The following TMA7 variants were observed in gnomAD, a reference collection of about 807,000 sequenced individuals.
TMA7 encodes the protein translation machinery associated 7 homolog.
TMA7 carries 5 observed loss-of-function variants against 12.5 expected under a neutral mutation model. The ratio of observed to expected loss-of-function variants is 0.40; its 90% CI spans 0.21 to 0.84. The LOEUF (loss-of-function observed/expected upper bound fraction) is 0.84. TMA7 is among the 40% of genes least tolerant of loss of function. The probability of loss-of-function intolerance (pLI) is 0.36; values close to 1 mark genes in which losing one functional copy is unlikely to be tolerated. For missense variants in TMA7, 71 were observed against 75.4 expected, an observed-to-expected ratio of 0.94 and a Z score of 0.22; for synonymous variants, 36 against 28.1, an observed-to-expected ratio of 1.28 and a Z score of -0.89.
intron 3 of TMA7, among the ~76,000 whole-genome samples, chr3:48,442,491 G>A (rs1443892683): frequency 4.4e-5 from 6 of 135,238 alleles, no homozygotes; most frequent in East Asian, 2.1e-4. Context: ...TCACTCTGTC[G>A]CCCAGGCTGG....
rs1288705407 is a variant in TMA7, at chr3:48,440,586, C to T, written c.118C>T (p.Leu40Phe). Residue 40 changes from leucine (L) to phenylalanine (F), a missense_variant, in exon 3 of 4, where the codon CTC (leucine) becomes TTC (phenylalanine). Coordinates refer to ENST00000438607, the MANE Select transcript of TMA7 (RefSeq NM_015933.6). ...GAAACAAAAAGAGGAGCAGAAGAAA[C>T]TCGAGGAGCTAAAAGCGAAGGCCGC... is the stretch of plus-strand genomic sequence containing the variant. ...KQKQKEEQKKLEELKAKAAGK... is the reference protein window; with the variant it reads ...KQKQKEEQKKFEELKAKAAGK... 3 of 1,611,744 alleles carry T rather than the reference C, an allele frequency of 1.9e-6. No homozygotes were observed. Among genetic ancestry groups the T allele is most frequent in the Admixed American group, 1.7e-5 (1 of 59,948 alleles).
chr3:48,440,945 A>G, intron 3 of TMA7: 2 of 451,760 alleles, frequency 4.4e-6, no homozygotes, highest in South Asian at 5.3e-5. Context: ...GTCGTCCGCA[A>G]TCTTTTGCCC....
At chr3:48,440,517 T>G in intron 2 of TMA7, 24 bp from the exon 3 acceptor site, 2 of 1,607,828 alleles carry the variant, frequency 1.2e-6, no homozygotes, top group South Asian at 2.2e-5. Flanking sequence ...AGGCCTGAGT[T>G]GAACACGCTC....
intron 3 of TMA7, 29 bp from the exon 4 acceptor site, chr3:48,443,819 C>T: frequency 4.5e-6 from 7 of 1,545,776 alleles, no homozygotes; most frequent in Non-Finnish European, 6.1e-6. Flanking sequence ...CTATATTTTT[C>T]CCTAATTGTG....
At position 48,440,285 on chromosome 3, in the gene TMA7, GCGGCAGGCGCCATGTCCGGC is replaced by G; in HGVS notation, c.-9_11del. The G allele has an allele frequency of 8.7e-6, 14 of 1,601,752 alleles. No individual in the cohort carries two copies. Among genetic ancestry groups the G allele is most frequent in the Non-Finnish European group, 1.2e-5 (14 of 1,173,996 alleles). On this transcript the variant is annotated start_lost and 5_prime_UTR_variant, in exon 1 of 4. Coordinates refer to ENST00000438607, the MANE Select transcript of TMA7 (RefSeq NM_015933.6). ...TCCGGTGGCAGGGTCTGGGGAAGCGGCGGCAGGCGCCATGTCCGGCCGCGAAGGTAAGTGTTCCGGAACCG... is the reference window on the plus strand; with the variant it reads ...TCCGGTGGCAGGGTCTGGGGAAGCGGCGCGAAGGTAAGTGTTCCGGAACCG...
At chr3:48,443,790 G>A in intron 3 of TMA7, 58 bp from the exon 4 acceptor site, 1 of 1,446,800 alleles carries the variant, frequency 6.9e-7, no homozygotes, top group Non-Finnish European at 9.2e-7. Flanking sequence ...GCAGGCCCGT[G>A]GGGCTTCTAC....
intron 3 of TMA7, 96 bp downstream of exon 3, chr3:48,440,724 G>C (rs1247103153): frequency 1.7e-5 from 19 of 1,120,036 alleles, no homozygotes. Flanking sequence ...CTCCTGAACT[G>C]CGAGGTCTCG....
At position 48,444,014 on chromosome 3, in the gene TMA7, A is replaced by G; in HGVS notation, c.*132A>G. 1 of 672,790 alleles carries G rather than the reference A, an allele frequency of 1.5e-6. No individual in the cohort carries two copies. Among genetic ancestry groups the G allele is most frequent in the Non-Finnish European group, 2.2e-6 (1 of 458,638 alleles). 41.7% of individuals were successfully genotyped at this position (672,790 alleles called of 1,614,324 possible). ...TTGTCTTGGAGCTGTTGTACATTTA[A>G]GAATAAACTTTTGTAAAAAAAGAAA... On this transcript the variant is annotated 3_prime_UTR_variant, in exon 4 of 4. Transcript: ENST00000438607.
rs1196803950 is a variant in TMA7 at position 48,442,472 on chromosome 3, TA to T, written c.161-1373del. 2.0e-5 allele frequency among the ~76,000 whole-genome samples: 3 copies of T among 149,148 alleles called. No individual in the cohort carries two copies. The East Asian group carries it at 5.9e-4, about 29-fold the overall frequency. On this transcript the variant is annotated intron_variant, in intron 3 of 3. Coordinates refer to ENST00000438607, the MANE Select transcript of TMA7 (RefSeq NM_015933.6). ...CTACACTTTTTTTTTTTTTTTTTTT[TA>T]AATAGTCTCACTCTGTCGCCCAGGC...
chr3:48,442,428 G>A (rs989052648), intron 3 of TMA7, among the ~76,000 whole-genome samples: 1 of 142,538 alleles, frequency 7.0e-6, no homozygotes, highest in Non-Finnish European at 1.5e-5. Context: ...CTTCTTTCCT[G>A]TATTAGGCAT....
At position 48,440,622 on chromosome 3, in the gene TMA7, C is replaced by T. The variant is rs775492653; in HGVS notation, c.154C>T (p.Pro52Ser). The change falls in exon 3 of 4, where the codon CCC becomes TCC. Residue 52 changes from proline to serine, a missense_variant. By Grantham distance (74) the Pro-to-Ser change is moderately conservative. Coordinates refer to ENST00000438607, the MANE Select transcript of TMA7 (RefSeq NM_015933.6). ...AAAAGCGAAGGCCGCGGGGAAGGGG[C>T]CCTTGGGTAAGTGGGGGCCGAATGG... ...ELKAKAAGKG[P>S]LATGGIKKSG... 12 of 1,611,022 alleles carry T rather than the reference C, an allele frequency of 7.4e-6. No individual in the cohort carries two copies. Among genetic ancestry groups the T allele is most frequent in the African/African-American group, 1.3e-5 (1 of 74,934 alleles).
Position 48,443,879 on chromosome 3 carries a change from G to C in TMA7, c.192G>C (p.Lys64Asn). Residue 64 changes from lysine (K) to asparagine (N), a missense_variant, in exon 4 of 4, where the codon AAG becomes AAC. Physicochemically the swap from Lys to Asn is moderately conservative, Grantham distance 94 (BLOSUM62 0). Coordinates refer to ENST00000438607, the MANE Select transcript of TMA7 (RefSeq NM_015933.6). Reference protein sequence around the residue: ...ATGGIKKSGKK With the variant: ...ATGGIKKSGKN ...GTGGAATTAAGAAATCTGGCAAAAA[G>C]TAAGCTGTTCCTTGTGCCTGAGGAG... The C allele has an allele frequency of 6.4e-7, 1 of 1,558,190 alleles. No individual in the cohort carries two copies. Among genetic ancestry groups the C allele is most frequent in the Non-Finnish European group, 8.6e-7 (1 of 1,158,104 alleles).
rs2039624282 is a variant in TMA7 at position 48,444,047 on chromosome 3, C to T, written c.*165C>T. 2 of 466,286 alleles carry T rather than the reference C, an allele frequency of 4.3e-6. No individual in the cohort carries two copies. Among genetic ancestry groups the T allele is most frequent in the Admixed American group, 4.4e-5 (1 of 22,920 alleles). 28.9% of individuals were successfully genotyped at this position (466,286 alleles called of 1,614,324 possible). On this transcript the variant is annotated 3_prime_UTR_variant, in exon 4 of 4. Coordinates refer to ENST00000438607, the MANE Select transcript of TMA7 (RefSeq NM_015933.6). ...CTTTTGTAAAAAAAGAAAAATCTTA[C>T]AGTGGCTCATCATCTCTTTAGTTGT... is the stretch of plus-strand genomic sequence containing the variant.
At chr3:48,440,791 A>G in intron 3 of TMA7, 163 bp downstream of exon 3, 1 of 673,162 alleles carries the variant, frequency 1.5e-6, no homozygotes, top group South Asian at 1.9e-5. Context: ...TTGCAGCGGC[A>G]GTAAGGGCCG....
chr3:48,440,952 G>T, intron 3 of TMA7: 1 of 439,998 alleles, frequency 2.3e-6, no homozygotes, highest in Non-Finnish European at 4.1e-6. Context: ...GCAATCTTTT[G>T]CCCCAAATTC....
At position 48,440,521 on chromosome 3, in the gene TMA7, C is replaced by G. The variant is rs944785984; in HGVS notation, c.73-20C>G. 1.9e-6 allele frequency: 3 copies of G among 1,608,028 alleles called. No individual in the cohort carries two copies. The African/African-American group carries it at 4.0e-5, about 21-fold the overall frequency. On this transcript the variant is annotated intron_variant, in intron 2 of 3. Transcript: ENST00000438607. ...CGCTGGGAGACAGGCCTGAGTTGAA[C>G]ACGCTCTGCCTCTCCCCAGGAAGAT... is the stretch of plus-strand genomic sequence containing the variant.
intron 3 of TMA7, chr3:48,441,125 C>T (rs2039552967): frequency 1.3e-5 from 2 of 155,014 alleles, no homozygotes; most frequent in Non-Finnish European, 2.9e-5. Context: ...AAGCAATTCT[C>T]CTGCCTCAGC....
chr3:48,443,099 G>T (rs1286385092), intron 3 of TMA7, among the ~76,000 whole-genome samples: 1 of 151,808 alleles, frequency 6.6e-6, no homozygotes, highest in Non-Finnish European at 1.5e-5. Context: ...AATTAGCCGG[G>T]TATGGTGGCA....
At chr3:48,440,512 T>C (rs773482852) in intron 2 of TMA7, 29 bp from the exon 3 acceptor site, 2 of 1,606,616 alleles carry the variant, frequency 1.2e-6, no homozygotes, top group Admixed American at 1.7e-5. Flanking sequence ...GAGACAGGCC[T>C]GAGTTGAACA....
Sources: gnomAD v4.1 joint callset for allele counts (sites outside exome capture counted in the v4.1 genomes callset) on GRCh38, gnomAD v4.1.1 for gene constraint, MANE v1.5 for transcripts, NCBI Gene and HGNC (gene_info 2026-07-23, HGNC 2026-07-21) for gene names.